AMOT: variants seen among roughly 807,000 people sequenced by gnomAD.
AMOT encodes angiomotin.
Under a neutral mutation model 67.0 loss-of-function variants are expected in AMOT, and 11 were observed. That is an observed-to-expected ratio of 0.16 (90% CI 0.10 to 0.27). The LOEUF is 0.27. AMOT is among the 10% of genes least tolerant of loss of function. The pLI is 1.00. For synonymous variants in AMOT, 326 were observed against 321.4 expected, an observed-to-expected ratio of 1.01 and a Z score of -0.15; for missense variants, 753 against 852.0, an observed-to-expected ratio of 0.88 and a Z score of 1.45.
rs757467005 is a variant in AMOT, at chrX:112,822,474, T to C, written c.653A>G (p.Tyr218Cys). The C allele has an allele frequency of 2.6e-6, 3 of 1,166,222 alleles. No homozygotes were observed. In the African/African-American group the frequency reaches 5.4e-5, roughly 21 times the overall value. ...GTTAGGAAGTGGCCCTTGGGCCTTG[T>C]AGAATTCACTGGAACTTGTGGGATT... ...YKNPTSSSEF[Y>C]KAQGPLPNQH... The change falls in exon 4 of 14, where the codon TAC (tyrosine) becomes TGC (cysteine). Residue 218 changes from tyrosine to cysteine, a missense_variant. This residue lies in a region of AMOT where 297 missense variants were observed against 284.3 expected (regional missense o/e 1.04). Coordinates refer to ENST00000371959, the MANE Select transcript of AMOT (RefSeq NM_001113490.2).
chrX:112,823,849 C>A (rs910364141), intron 3 of AMOT, among the ~76,000 whole-genome samples: 1 of 112,028 alleles, frequency 8.9e-6, no homozygotes, highest in Admixed American at 9.5e-5. Flanking sequence ...TTATTACTGA[C>A]AAAGTTGCCT....
In AMOT at chrX:112,811,287, T is replaced by A; in HGVS notation, c.1499A>T (p.Glu500Val). 5 of 1,211,298 alleles carry A rather than the reference T, an allele frequency of 4.1e-6. No individual in the cohort carries two copies. The highest frequency in any genetic ancestry group is 5.6e-6 in the Non-Finnish European group (5 of 895,320). The change falls in exon 6 of 14, where the codon GAG becomes GTG. Residue 500 changes from glutamate (E) to valine (V), a missense_variant. By Grantham distance (121) the Glu-to-Val change is moderately radical. Around this residue, in one of 5 missense-constraint regions of AMOT, gnomAD observed 297 missense variants for 284.3 expected, o/e 1.04. Transcript: ENST00000371959. ...EKAMRNKLEG[E>V]IRRMHDFNRD... The stretch of plus-strand genomic sequence containing the variant: ...GTTGAAATCATGCATCCTCCGAATC[T>A]CGCCCTCTAGCTTGTTTCTCATGGC...
chrX:112,824,823 C>A (rs6643098), intron 3 of AMOT, among the ~76,000 whole-genome samples: 1 of 108,784 alleles, frequency 9.2e-6, no homozygotes, highest in Non-Finnish European at 1.9e-5. Context: ...AGAGAGATGA[C>A]TACCAAATTA....
chrX:112,817,665 G>A (rs1315614194), intron 4 of AMOT, among the ~76,000 whole-genome samples: 1 of 111,976 alleles, frequency 8.9e-6, no homozygotes, highest in African/African-American at 3.3e-5. Flanking sequence ...CTATGCCTCT[G>A]GTGTACCCAC....
intron 8 of AMOT, 68 bp from the exon 9 acceptor site, chrX:112,792,049 A>G: frequency 8.9e-7 from 1 of 1,121,793 alleles, no homozygotes; most frequent in Middle Eastern, 2.6e-4. Flanking sequence ...TCAATTATGT[A>G]TCCCCTAAAT....
At chrX:112,816,119 G>C (rs1934551160) in intron 4 of AMOT, among the ~76,000 whole-genome samples, 1 of 111,499 alleles carries the variant, frequency 9.0e-6, no homozygotes. Context: ...GATCCCATGA[G>C]GGTCAGAACC....
At chrX:112,833,413 C>G (rs754950235) in intron 1 of AMOT, among the ~76,000 whole-genome samples, 6 of 105,597 alleles carry the variant, frequency 5.7e-5, no homozygotes, top group Admixed American at 1.0e-4. Context: ...GAAAATTCAT[C>G]ATGTTCCCCT....
At chrX:112,792,410 A>G (rs910505337) in intron 8 of AMOT, among the ~76,000 whole-genome samples, 1 of 112,289 alleles carries the variant, frequency 8.9e-6, no homozygotes, top group African/African-American at 3.2e-5. Flanking sequence ...ATCTCCAGGA[A>G]GAAAGGTTTG....
chrX:112,825,334 A>G (rs1013455307), intron 2 of AMOT, 114 bp from the exon 3 acceptor site: 1 of 111,725 alleles, frequency 9.0e-6, no homozygotes, highest in Non-Finnish European at 1.9e-5. Context: ...TTGTCCTCCT[A>G]TGGTGCTTGG....
At chrX:112,785,168 G>A (rs1392457625) in intron 10 of AMOT, among the ~76,000 whole-genome samples, 1 of 112,175 alleles carries the variant, frequency 8.9e-6, no homozygotes, top group Admixed American at 9.4e-5. Context: ...AGAGAGAGAT[G>A]CTGGGCTACG....
intron 7 of AMOT, among the ~76,000 whole-genome samples, chrX:112,805,531 C>T (rs1321527400): frequency 9.0e-6 from 1 of 111,351 alleles, no homozygotes; most frequent in Non-Finnish European, 1.9e-5. Flanking sequence ...TTCCTCATGA[C>T]AGTACATTAA....
intron 7 of AMOT, among the ~76,000 whole-genome samples, chrX:112,808,607 T>C (rs1934262779): frequency 1.8e-5 from 2 of 112,154 alleles, no homozygotes; most frequent in African/African-American, 6.5e-5. Context: ...CCGTCTGATT[T>C]ACTAAGTTAC....
chrX:112,815,448 G>A lies in AMOT; in HGVS notation c.1302C>T (p.Ala434=), dbSNP rs1354463793. Residue 434 remains alanine, a synonymous_variant, in exon 5 of 14, where the codon GCC becomes GCT. Transcript: ENST00000371959. ...CTGAGAGGATCTCAACCATCTGCTG[G>A]GCTCTGGAAACAATGGCAAAAGGGT... ...PADPFAIVSR[A]QQMVEILSDE... 1 of 1,211,660 alleles carries A rather than the reference G, an allele frequency of 8.3e-7. No homozygotes were observed.
chrX:112,840,069 A>T (rs963308840), intron 1 of AMOT, among the ~76,000 whole-genome samples: 6 of 111,353 alleles, frequency 5.4e-5, no homozygotes, highest in Non-Finnish European at 1.1e-4. Context: ...GCAGAAACCT[A>T]TCTAGTTATC....
chrX:112,782,440 G>C, intron 11 of AMOT, 100 bp downstream of exon 11: 3 of 1,096,405 alleles, frequency 2.7e-6, no homozygotes, highest in Non-Finnish European at 3.8e-6. Flanking sequence ...ATGGTGGAGC[G>C]GGGAGGCTGC....
Position 112,790,612 on chromosome X carries a change from A to G in AMOT, c.2097T>C (p.Ala699=). The G allele has an allele frequency of 8.3e-7, 1 of 1,206,601 alleles. No homozygotes were observed. The highest frequency in any genetic ancestry group is 1.1e-6 in the Non-Finnish European group (1 of 892,948). The change falls in exon 10 of 14, where the codon GCT becomes GCC. Residue 699 remains alanine, a synonymous_variant. Transcript: ENST00000371959. ...CTTACCTCTGAGCAGCCACAGTTGCAGCAGCATCCAGAGCAAAATGTCTCA... is the reference window on the plus strand; with the variant it reads ...CTTACCTCTGAGCAGCCACAGTTGCGGCAGCATCCAGAGCAAAATGTCTCA... ...NVMRHFALDA[A]ATVAAQRDTT...
intron 8 of AMOT, among the ~76,000 whole-genome samples, chrX:112,792,571 C>T (rs1933649309): frequency 8.9e-6 from 1 of 111,967 alleles, no homozygotes; most frequent in African/African-American, 3.2e-5. Flanking sequence ...TAATCCATCA[C>T]TGCTCTCCTG....
chrX:112,795,418 C>T (rs1246010813), intron 8 of AMOT, among the ~76,000 whole-genome samples: 1 of 111,272 alleles, frequency 9.0e-6, no homozygotes, highest in Non-Finnish European at 1.9e-5. Flanking sequence ...CTTCTCTATT[C>T]TCAGCTACAG....
At chrX:112,783,646 A>AG (rs1353837250) in intron 10 of AMOT, among the ~76,000 whole-genome samples, 1 of 110,933 alleles carries the variant, frequency 9.0e-6, no homozygotes, top group Non-Finnish European at 1.9e-5. Context: ...TCCATTTGAA[A>AG]GTGTCTCAGG....
Sources: gnomAD v4.1 joint callset for allele counts (sites outside exome capture counted in the v4.1 genomes callset) on GRCh38, gnomAD v4.1.1 for gene constraint, gnomAD v4.1.1 regional missense constraint, MANE v1.5 for transcripts, NCBI Gene and HGNC (gene_info 2026-07-23, HGNC 2026-07-21) for gene names.